SLC35F3: variants seen among roughly 807,000 people sequenced by gnomAD.
SLC35F3 encodes the protein putative thiamine transporter SLC35F3.
Under a neutral mutation model 49.9 loss-of-function variants are expected in SLC35F3, and 25 were observed. The observed-to-expected ratio is 0.50, with a 90% CI of 0.37 to 0.70. The LOEUF is 0.70. Among genes scored for constraint, SLC35F3 ranks in the 30% least tolerant of loss-of-function variants. The pLI is 0.00. For missense variants in SLC35F3, 525 were observed against 639.8 expected (o/e 0.82, Z 1.94); for synonymous variants, 275 against 265.4 (o/e 1.04, Z -0.35).
chr1:234,249,313 C>T (rs1667699008), intron 3 of SLC35F3, among the ~76,000 whole-genome samples: 4 of 152,178 alleles, frequency 2.6e-5, no homozygotes, highest in Admixed American at 6.5e-5. Context: ...CAGGTTTTTC[C>T]TCTATCCCAT....
intron 2 of SLC35F3, among the ~76,000 whole-genome samples, chr1:234,210,824 T>G (rs1667036661): frequency 6.6e-6 from 1 of 152,228 alleles, no homozygotes; most frequent in South Asian, 2.1e-4. Flanking sequence ...TCAAGCCAAC[T>G]GCAGAAATTT....
At chr1:234,233,114 T>C (rs1005908514) in intron 3 of SLC35F3, among the ~76,000 whole-genome samples, 3 of 152,168 alleles carry the variant, frequency 2.0e-5, no homozygotes, top group African/African-American at 7.2e-5. Flanking sequence ...AGGCACTTAA[T>C]GCACCCTCTT....
chr1:234,122,921 A>G (rs1441478135), intron 2 of SLC35F3, among the ~76,000 whole-genome samples: 1 of 152,230 alleles, frequency 6.6e-6, no homozygotes, highest in African/African-American at 2.4e-5. Context: ...TAGTGCTGCA[A>G]TAAATATATA....
intron 2 of SLC35F3, among the ~76,000 whole-genome samples, chr1:234,030,793 T>C (rs1664050834): frequency 6.6e-6 from 1 of 152,196 alleles, no homozygotes; most frequent in Admixed American, 6.5e-5. Flanking sequence ...TATCAATCCA[T>C]AGATTTCTTG....
intron 2 of SLC35F3, among the ~76,000 whole-genome samples, chr1:234,084,645 G>A (rs114966413): frequency 0.012 from 1,796 of 152,280 alleles, 16 homozygotes; most frequent in Middle Eastern, 0.024. Context: ...GAATGGAACT[G>A]CCCACTTCCA....
chr1:233,916,617 C>T (rs981862326), intron 2 of SLC35F3, among the ~76,000 whole-genome samples: 4 of 152,128 alleles, frequency 2.6e-5, no homozygotes, highest in Non-Finnish European at 2.9e-5. Flanking sequence ...TATGTAATTA[C>T]GATTAATTGT....
intron 2 of SLC35F3, among the ~76,000 whole-genome samples, chr1:234,211,414 C>A (rs1667045296): frequency 6.6e-6 from 1 of 152,214 alleles, no homozygotes; most frequent in African/African-American, 2.4e-5. Flanking sequence ...AAGCCACAGA[C>A]ACTCAATGCC....
chr1:234,284,514 G>T (rs1238126737), intron 3 of SLC35F3, among the ~76,000 whole-genome samples: 8 of 152,234 alleles, frequency 5.3e-5, no homozygotes, highest in African/African-American at 1.9e-4. Context: ...GCATCTGGCA[G>T]ATGCAAATGG....
intron 2 of SLC35F3, among the ~76,000 whole-genome samples, chr1:233,967,977 C>T (rs1194016228): frequency 6.6e-6 from 1 of 152,148 alleles, no homozygotes; most frequent in South Asian, 2.1e-4. Flanking sequence ...TGCCATAAAC[C>T]AAGTACCACA....
intron 2 of SLC35F3, among the ~76,000 whole-genome samples, chr1:234,038,765 G>A (rs1290475843): frequency 1.3e-5 from 2 of 152,326 alleles, no homozygotes; most frequent in East Asian, 1.9e-4. Flanking sequence ...GCCCTCTGGA[G>A]TCCATTTTGA....
At chr1:234,268,571 A>C (rs916951071) in intron 3 of SLC35F3, 40 of 152,332 alleles carry the variant, frequency 2.6e-4, no homozygotes, top group African/African-American at 9.4e-4. Flanking sequence ...GAAACTGTAC[A>C]AAAAAGAATG....
intron 2 of SLC35F3, among the ~76,000 whole-genome samples, chr1:234,225,321 A>T (rs1430839909): frequency 2.0e-5 from 3 of 149,610 alleles, no homozygotes; most frequent in Non-Finnish European, 4.4e-5. Context: ...GGCCATAAAC[A>T]AAAGCTTTCT....
At chr1:234,243,417 A>T (rs536280014) in intron 3 of SLC35F3, among the ~76,000 whole-genome samples, 1 of 152,218 alleles carries the variant, frequency 6.6e-6, no homozygotes, top group Non-Finnish European at 1.5e-5. Context: ...TTATTATTAG[A>T]TAACCGACTG....
chr1:234,216,687 G>A (rs911227985), intron 2 of SLC35F3, among the ~76,000 whole-genome samples: 7 of 152,226 alleles, frequency 4.6e-5, no homozygotes, highest in African/African-American at 1.7e-4. Context: ...GTGAGATTGA[G>A]GATCAAGACT....
At chr1:234,056,597 A>G (rs774310676) in intron 2 of SLC35F3, among the ~76,000 whole-genome samples, 10 of 152,190 alleles carry the variant, frequency 6.6e-5, no homozygotes, top group Non-Finnish European at 1.0e-4. Flanking sequence ...TGGACATTTC[A>G]TGTAAGTAAA....
intron 2 of SLC35F3, among the ~76,000 whole-genome samples, chr1:234,049,186 C>T (rs1664337123): frequency 6.6e-6 from 1 of 152,124 alleles, no homozygotes; most frequent in African/African-American, 2.4e-5. Context: ...TCTGGAAGTG[C>T]TAGGGGTGGA....
At chr1:234,166,292 A>C (rs1666317619) in intron 2 of SLC35F3, among the ~76,000 whole-genome samples, 1 of 152,166 alleles carries the variant, frequency 6.6e-6, no homozygotes, top group African/African-American at 2.4e-5. Context: ...ATTTGTTACA[A>C]CCAATGACCC....
intron 3 of SLC35F3, among the ~76,000 whole-genome samples, chr1:234,272,129 AAAAG>A (rs373555839): frequency 7.8e-4 from 119 of 152,332 alleles, no homozygotes; most frequent in African/African-American, 2.7e-3. Context: ...CTGTCTCAAA[AAAAG>A]AAAGAAACAA....
At chr1:233,911,474 GAATT>G (rs1661872283) in intron 2 of SLC35F3, among the ~76,000 whole-genome samples, 1 of 152,160 alleles carries the variant, frequency 6.6e-6, no homozygotes, top group Admixed American at 6.5e-5. Flanking sequence ...TTGGGTCAGA[GAATT>G]AATTTTATTC....
Sources: gnomAD v4.1 joint callset for allele counts (sites outside exome capture counted in the v4.1 genomes callset) on GRCh38, gnomAD v4.1.1 for gene constraint, MANE v1.5 for transcripts, NCBI Gene and HGNC (gene_info 2026-07-23, HGNC 2026-07-21) for gene names.